The following SHANK2 variants were observed in gnomAD, a reference collection of about 807,000 sequenced individuals.
SHANK2 encodes the protein SH3 and multiple ankyrin repeat domains 2, also known as SH3 and multiple ankyrin repeat domains protein 2.
Under a neutral mutation model 133.7 loss-of-function variants are expected in SHANK2, and 43 were observed. The ratio of observed to expected loss-of-function variants is 0.32; its 90% CI spans 0.25 to 0.41. The LOEUF (loss-of-function observed/expected upper bound fraction) is 0.41. SHANK2 is among the 10% of genes least tolerant of loss of function. SHANK2 has a pLI of 1.00. For missense variants in SHANK2, 1,994 were observed against 2,235.8 expected, an observed-to-expected ratio of 0.89 and a Z score of 2.18; for synonymous variants, 1,017 against 952.8, an observed-to-expected ratio of 1.07 and a Z score of -1.24.
At chr11:70,623,946 C>A (rs1393999834) in intron 17 of SHANK2, among the ~76,000 whole-genome samples, 1 of 152,194 alleles carries the variant, frequency 6.6e-6, no homozygotes, top group African/African-American at 2.4e-5. Context: ...AGAGACCCCA[C>A]TGGGGAGCTG....
At chr11:70,897,040 T>C (rs1041559820) in intron 10 of SHANK2, among the ~76,000 whole-genome samples, 1 of 152,214 alleles carries the variant, frequency 6.6e-6, no homozygotes, top group Non-Finnish European at 1.5e-5. Flanking sequence ...AGATTTCAGT[T>C]ATGTGGGAAA....
chr11:71,168,799 AGGGAGACCATG>A (rs1953245824), intron 2 of SHANK2, among the ~76,000 whole-genome samples: 1 of 140,646 alleles, frequency 7.1e-6, no homozygotes, highest in South Asian at 2.6e-4. Flanking sequence ...AGAGAGGGAG[AGGGAGACCATG>A]GGGAGAGGGA....
intron 10 of SHANK2, among the ~76,000 whole-genome samples, chr11:70,928,952 C>A (rs1467862079): frequency 6.6e-6 from 1 of 151,962 alleles, no homozygotes; most frequent in Non-Finnish European, 1.5e-5. Flanking sequence ...AGGAAGCAGA[C>A]AAATGGTAAT....
intron 12 of SHANK2, among the ~76,000 whole-genome samples, chr11:70,817,078 A>G (rs1411834514): frequency 6.6e-6 from 1 of 152,214 alleles, no homozygotes; most frequent in Non-Finnish European, 1.5e-5. Context: ...AGAACACAAC[A>G]GTGGCACCTG....
In SHANK2 at chr11:70,698,756, G is replaced by A. The variant is rs553333717; in HGVS notation, c.1785C>T (p.Arg595=). 8.3e-6 allele frequency: 6 copies of A among 718,612 alleles called. No homozygotes were observed. The highest frequency in any genetic ancestry group is 5.9e-5 in the South Asian group (4 of 67,600). The allele number at this position is 718,612 out of a possible 1,614,324, so 44.5% of individuals were successfully genotyped here. Residue 595 remains arginine, a synonymous_variant, in exon 15 of 26, where the codon CGC becomes CGT. Coordinates refer to ENST00000601538, the MANE Select transcript of SHANK2 (RefSeq NM_012309.5). ...TGAAAAGCTTCTTGCTGCGGTCAGCGCGGGTTTCTGTACAGAGAGGGAAGA... is the reference window on the plus strand; with the variant it reads ...TGAAAAGCTTCTTGCTGCGGTCAGCACGGGTTTCTGTACAGAGAGGGAAGA... ...CKPRDSQAET[R]ADRSKKLFRH... is the part of the protein sequence containing the mutation.
At chr11:70,791,178 C>T (rs1340280740) in intron 14 of SHANK2, among the ~76,000 whole-genome samples, 1 of 152,194 alleles carries the variant, frequency 6.6e-6, no homozygotes, top group African/African-American at 2.4e-5. Flanking sequence ...AAAGCCAGAC[C>T]TTCCAACTCC....
chr11:71,171,719 C>T (rs1953317239), intron 2 of SHANK2, among the ~76,000 whole-genome samples: 1 of 152,176 alleles, frequency 6.6e-6, no homozygotes, highest in South Asian at 2.1e-4. Context: ...CACAGACACG[C>T]CCACGATAAC....
chr11:70,904,870 T>C (rs781803125), intron 10 of SHANK2, among the ~76,000 whole-genome samples: 10 of 152,170 alleles, frequency 6.6e-5, no homozygotes, highest in Non-Finnish European at 1.2e-4. Context: ...CCGCCATCCA[T>C]GTAAGATGTG....
intron 25 of SHANK2, among the ~76,000 whole-genome samples, chr11:70,480,835 C>T (rs527585078): frequency 3.5e-4 from 54 of 152,352 alleles, no homozygotes; most frequent in African/African-American, 1.3e-3. Flanking sequence ...GGGGCTGGGC[C>T]ATGATTCCAA....
chr11:70,896,274 G>C (rs1168565635), intron 11 of SHANK2: 3 of 448,852 alleles, frequency 6.7e-6, no homozygotes, highest in Non-Finnish European at 1.2e-5. Context: ...TTCTAGAGAG[G>C]CATGTTTCAG....
chr11:70,617,305 ATGTGTGTGTG>A (rs34433990), intron 17 of SHANK2, among the ~76,000 whole-genome samples: 1 of 149,376 alleles, frequency 6.7e-6, no homozygotes, highest in Admixed American at 6.7e-5. Flanking sequence ...CTGAGAGAGT[ATGTGTGTGTG>A]TGTGTGTGAG....
chr11:71,154,696 C>A (rs868941256), intron 2 of SHANK2, among the ~76,000 whole-genome samples: 5 of 150,358 alleles, frequency 3.3e-5, no homozygotes, highest in Non-Finnish European at 7.4e-5. Context: ...CCAGCCCACG[C>A]TCCCAGAGGA....
intron 2 of SHANK2, among the ~76,000 whole-genome samples, chr11:71,185,634 C>T (rs1189602905): frequency 2.0e-5 from 3 of 152,208 alleles, no homozygotes; most frequent in Non-Finnish European, 2.9e-5. Flanking sequence ...GTTCAGCCAC[C>T]TGGATTCTCC....
At chr11:70,718,109 G>A (rs890084466) in intron 14 of SHANK2, among the ~76,000 whole-genome samples, 1 of 152,204 alleles carries the variant, frequency 6.6e-6, no homozygotes, top group Non-Finnish European at 1.5e-5. Context: ...TACGGGTGAA[G>A]GACGCCTGAA....
intron 17 of SHANK2, among the ~76,000 whole-genome samples, chr11:70,568,860 C>T (rs1243053246): frequency 6.6e-6 from 1 of 152,162 alleles, no homozygotes; most frequent in Non-Finnish European, 1.5e-5. Flanking sequence ...TCCTTTCTGA[C>T]AGAGGACTTG....
intron 17 of SHANK2, among the ~76,000 whole-genome samples, chr11:70,580,431 T>C (rs1554985160): frequency 6.6e-6 from 1 of 152,176 alleles, no homozygotes; most frequent in African/African-American, 2.4e-5. Flanking sequence ...TCCAGAATGC[T>C]CAATCGCGTC....
intron 17 of SHANK2, among the ~76,000 whole-genome samples, chr11:70,636,273 G>A (rs1297325848): frequency 3.9e-5 from 6 of 152,190 alleles, no homozygotes; most frequent in African/African-American, 1.2e-4. Context: ...GAGCATGCAT[G>A]TGTGTGTACA....
rs1337318281 is a variant in SHANK2, at chr11:70,807,675, CA to C, written c.1494-505del. 3.3e-5 allele frequency among the ~76,000 whole-genome samples: 5 copies of C among 151,978 alleles called. No individual in the cohort carries two copies. Among genetic ancestry groups the C allele is most frequent in the African/African-American group, 1.2e-4 (5 of 41,386 alleles). On this transcript the variant is annotated intron_variant, in intron 12 of 25. Transcript: ENST00000601538. The surrounding 1 kb of genome is among the most constrained non-coding windows in gnomAD (Gnocchi z 4.8). ...TGAAACCTCGTTGGTACTAAAAATT[CA>C]AAAAATAGCAGGGTGTGGTGGTGAG...
chr11:70,613,394 AG>A (rs1278561388), intron 17 of SHANK2, among the ~76,000 whole-genome samples: 1 of 152,052 alleles, frequency 6.6e-6, no homozygotes, highest in Non-Finnish European at 1.5e-5. Context: ...TAGTAGAGAC[AG>A]GGTTTCACCG....
Sources: gnomAD v4.1 joint callset for allele counts (sites outside exome capture counted in the v4.1 genomes callset) on GRCh38, gnomAD v4.1.1 for gene constraint, Gnocchi (gnomAD v3.1) non-coding constraint, MANE v1.5 for transcripts, NCBI Gene and HGNC (gene_info 2026-07-23, HGNC 2026-07-21) for gene names.